LUZP2: variants seen among roughly 807,000 people sequenced by gnomAD.
LUZP2 encodes leucine zipper protein 2.
LUZP2 carries 52 observed loss-of-function variants against 51.6 expected under a neutral mutation model. That is an observed-to-expected ratio of 1.01 (90% confidence interval 0.81 to 1.27). LUZP2 has a LOEUF of 1.27. Ranked by LOEUF, LUZP2 falls within the 50% of genes most tolerant of loss-of-function variation. The pLI is 0.00. For synonymous variants in LUZP2, 154 were observed against 137.3 expected, an observed-to-expected ratio of 1.12 and a Z score of -0.85; for missense variants, 436 against 395.4, an observed-to-expected ratio of 1.10 and a Z score of -0.87.
intron 6 of LUZP2, among the ~76,000 whole-genome samples, chr11:24,911,202 T>C (rs1472299694): frequency 6.6e-6 from 1 of 152,142 alleles, no homozygotes; most frequent in Non-Finnish European, 1.5e-5. Flanking sequence ...TACAGGCTCA[T>C]AGGCAGAAGG....
chr11:24,852,399 C>G (rs559102083), intron 5 of LUZP2, among the ~76,000 whole-genome samples: 18 of 152,096 alleles, frequency 1.2e-4, no homozygotes, highest in Non-Finnish European at 2.2e-4. Flanking sequence ...GTTCAGTTTC[C>G]ACGTACTTGT....
intron 9 of LUZP2, among the ~76,000 whole-genome samples, chr11:25,028,020 A>C (rs534144930): frequency 7.9e-5 from 12 of 152,234 alleles, no homozygotes; most frequent in African/African-American, 2.9e-4. Flanking sequence ...TGCTACGTGG[A>C]GAATATTCAT....
chr11:24,689,239 CT>C (rs1856992596), intron 1 of LUZP2, among the ~76,000 whole-genome samples: 1 of 152,114 alleles, frequency 6.6e-6, no homozygotes, highest in East Asian at 1.9e-4. Context: ...TTTTTTCCCC[CT>C]AATTCTTCCC....
At chr11:24,965,029 C>T (rs915666201) in intron 7 of LUZP2, among the ~76,000 whole-genome samples, 1 of 151,296 alleles carries the variant, frequency 6.6e-6, no homozygotes. Context: ...GATTTAAAAG[C>T]TATGTAGAGT....
chr11:24,537,388 T>C (rs1851209918), intron 1 of LUZP2, among the ~76,000 whole-genome samples: 1 of 151,966 alleles, frequency 6.6e-6, no homozygotes, highest in African/African-American at 2.4e-5. Flanking sequence ...TCAAACAAGT[T>C]AATATGTTGA....
intron 7 of LUZP2, among the ~76,000 whole-genome samples, chr11:24,921,375 T>G (rs1229294637): frequency 6.6e-6 from 1 of 152,060 alleles, no homozygotes; most frequent in Non-Finnish European, 1.5e-5. Flanking sequence ...CCCACCTTAG[T>G]CCTTTAATAT....
At position 25,081,216 on chromosome 11, in the gene LUZP2, T is replaced by G. The variant is rs1260851906; in HGVS notation, c.*2558T>G. The G allele has an allele frequency of 2.0e-5, 3 of 151,958 alleles. No individual in the cohort carries two copies. The highest frequency in any genetic ancestry group is 2.0e-4 in the Admixed American group (3 of 15,274). 9.4% of individuals were successfully genotyped at this position (151,958 alleles called of 1,614,324 possible). On this transcript the variant is annotated 3_prime_UTR_variant, in exon 12 of 12. Coordinates refer to ENST00000336930, the MANE Select transcript of LUZP2 (RefSeq NM_001009909.4). Reference sequence around the variant, plus strand: ...GCCCGGCTAATTTTTATATTTTTAATAGAGACGGGGTTTCACCATGTTGGC... The same window carrying G: ...GCCCGGCTAATTTTTATATTTTTAAGAGAGACGGGGTTTCACCATGTTGGC...
At chr11:24,789,032 A>G (rs761473527) in intron 5 of LUZP2, among the ~76,000 whole-genome samples, 3 of 152,024 alleles carry the variant, frequency 2.0e-5, no homozygotes, top group Non-Finnish European at 4.4e-5. Context: ...TATCCATTAA[A>G]CCCTGCTTTT....
chr11:24,574,914 C>A (rs1590198684), intron 1 of LUZP2, among the ~76,000 whole-genome samples: 1 of 152,130 alleles, frequency 6.6e-6, no homozygotes, highest in Non-Finnish European at 1.5e-5. Flanking sequence ...TAAAGTAATC[C>A]TCTTAAGGGG....
rs562353669 is a variant in LUZP2 at position 24,728,695 on chromosome 11, C to A, written c.63-474C>A. Among the ~76,000 whole-genome samples the A allele has an allele frequency of 1.4e-4, 21 of 152,078 alleles. No individual in the cohort carries two copies. In the South Asian group the frequency reaches 4.4e-3, roughly 32 times the overall value. Reference sequence around the variant, plus strand: ...ACATTTCAGCAGCAAATCTCCTGCTCCCCAGTTAGAACTCCAAACCTTCTG... The same window carrying A: ...ACATTTCAGCAGCAAATCTCCTGCTACCCAGTTAGAACTCCAAACCTTCTG... On this transcript the variant is annotated intron_variant, in intron 1 of 11. Transcript: ENST00000336930.
intron 1 of LUZP2, among the ~76,000 whole-genome samples, chr11:24,591,559 C>A (rs1853261150): frequency 6.6e-6 from 1 of 152,110 alleles, no homozygotes; most frequent in Non-Finnish European, 1.5e-5. Context: ...CCTTTAGAGT[C>A]AACTTTGCTC....
intron 9 of LUZP2, among the ~76,000 whole-genome samples, chr11:25,042,678 G>T (rs1203891056): frequency 1.3e-5 from 2 of 152,146 alleles, no homozygotes; most frequent in African/African-American, 4.8e-5. Context: ...AGGGTTTCTA[G>T]GGGAGAATCC....
chr11:24,751,798 A>C (rs1859598800), intron 4 of LUZP2, among the ~76,000 whole-genome samples: 1 of 152,258 alleles, frequency 6.6e-6, no homozygotes, highest in Non-Finnish European at 1.5e-5. Context: ...ATTGCACTAC[A>C]TACGCATTCT....
rs1857539728 is a variant in LUZP2, at chr11:25,027,878, A to G, written c.766-22160A>G. Among the ~76,000 whole-genome samples the G allele has an allele frequency of 4.1e-5, 6 of 145,486 alleles. 1 individual carries two copies. Among genetic ancestry groups the G allele is most frequent in the Admixed American group, 4.0e-4 (6 of 15,010 alleles). ...GAACGAAATTCCGTCTCAAAAAAAA[A>G]AAAAAAGGTGTTTAGATTTAGATAC... is the stretch of plus-strand genomic sequence containing the variant. On this transcript the variant is annotated intron_variant, in intron 9 of 11. Coordinates refer to ENST00000336930, the MANE Select transcript of LUZP2 (RefSeq NM_001009909.4).
At chr11:24,808,113 G>A (rs1226462763) in intron 5 of LUZP2, among the ~76,000 whole-genome samples, 1 of 152,152 alleles carries the variant, frequency 6.6e-6, no homozygotes, top group African/African-American at 2.4e-5. Flanking sequence ...ATATTTTAGA[G>A]TTTATACAGC....
intron 1 of LUZP2, among the ~76,000 whole-genome samples, chr11:24,632,732 A>G (rs1278154338): frequency 6.6e-6 from 1 of 151,826 alleles, no homozygotes; most frequent in African/African-American, 2.4e-5. Context: ...ACTGAACTTA[A>G]TCTCAAGAGG....
At chr11:24,884,201 GGCT>G (rs1165691317) in intron 5 of LUZP2, among the ~76,000 whole-genome samples, 1 of 151,944 alleles carries the variant, frequency 6.6e-6, no homozygotes, top group Non-Finnish European at 1.5e-5. Flanking sequence ...GGATTGGACT[GGCT>G]GTTGAAAGTT....
chr11:25,019,042 T>C, intron 9 of LUZP2, among the ~76,000 whole-genome samples: 1 of 152,226 alleles, frequency 6.6e-6, no homozygotes, highest in Non-Finnish European at 1.5e-5. Flanking sequence ...ATCAACATTT[T>C]ACGCCAGAGT....
intron 9 of LUZP2, among the ~76,000 whole-genome samples, chr11:24,994,307 T>C (rs1338569637): frequency 1.3e-5 from 2 of 152,210 alleles, no homozygotes; most frequent in African/African-American, 4.8e-5. Context: ...TTGAGTTTAC[T>C]TCTATATGTT....
Sources: gnomAD v4.1 joint callset for allele counts (sites outside exome capture counted in the v4.1 genomes callset) on GRCh38, gnomAD v4.1.1 for gene constraint, MANE v1.5 for transcripts, NCBI Gene and HGNC (gene_info 2026-07-23, HGNC 2026-07-21) for gene names.